MYNN: variants seen among roughly 807,000 people sequenced by gnomAD.
MYNN encodes the protein myoneurin.
A neutral mutation model predicts 57.2 loss-of-function variants in MYNN; 22 were observed. The observed-to-expected ratio is 0.38, with a 90% CI of 0.27 to 0.55. The LOEUF (loss-of-function observed/expected upper bound fraction) is 0.55. Ranked by LOEUF, MYNN falls within the 20% of genes least tolerant of loss-of-function variation. The pLI is 0.71. For missense variants in MYNN, 566 were observed against 723.1 expected (o/e 0.78, Z 2.49); for synonymous variants, 241 against 257.1 (o/e 0.94, Z 0.60).
Position 169,782,376 on chromosome 3 carries a change from G to A in MYNN, c.1221-89G>A. ...TAGTCTTGGCCTGTTAAGATGACAT[G>A]AAATAAAATCTATAAAAAACTTTAT... On this transcript the variant is annotated intron_variant, in intron 4 of 7. Coordinates refer to ENST00000349841, the MANE Select transcript of MYNN (RefSeq NM_018657.5). This position sits in a 1 kb window ranked among gnomAD's most constrained non-coding sequence, Gnocchi z 4.8. The A allele has an allele frequency of 9.1e-7, 1 of 1,095,358 alleles. No homozygotes were observed. Among genetic ancestry groups the A allele is most frequent in the Non-Finnish European group, 1.3e-6 (1 of 772,230 alleles). The allele number at this position is 1,095,358 out of a possible 1,614,324, so 67.9% of individuals were successfully genotyped here. A position where few individuals can be genotyped will look rare whatever the true frequency, so the allele number is the denominator to read the frequency against.
In MYNN at chr3:169,789,276, A is replaced by G. The variant is rs899487571; in HGVS notation, c.*2598A>G. 3.9e-5 allele frequency: 6 copies of G among 152,324 alleles called. No homozygotes were observed. The highest frequency in any genetic ancestry group is 1.4e-4 in the African/African-American group (6 of 41,574). The allele number at this position is 152,324 out of a possible 1,614,324, so 9.4% of individuals were successfully genotyped here. A position where few individuals can be genotyped will look rare whatever the true frequency, so the allele number is the denominator to read the frequency against. On this transcript the variant is annotated 3_prime_UTR_variant, in exon 8 of 8. Coordinates refer to ENST00000349841, the MANE Select transcript of MYNN (RefSeq NM_018657.5). ...TAATGGTTCTATCAGTTTCATTCCA[A>G]CAGTAGCTAATTTCTGTGTTTCAGT...
intron 4 of MYNN, 109 bp downstream of exon 4, chr3:169,780,858 A>G: frequency 1.0e-6 from 1 of 979,112 alleles, no homozygotes; most frequent in East Asian, 2.9e-5. Context: ...TTGTGGTTCC[A>G]CCAAACAATG....
chr3:169,774,580 T>A lies in MYNN; in HGVS notation c.266+19T>A. The A allele has an allele frequency of 6.3e-7, 1 of 1,597,924 alleles. No individual in the cohort carries two copies. The highest frequency in any genetic ancestry group is 1.1e-5 in the South Asian group (1 of 90,224). ...TTGACAGGTAAAGTACACATTTTAT[T>A]TTCAGTTATAAAAGCTAGTCAGTAG... On this transcript the variant is annotated intron_variant, in intron 2 of 7. Coordinates refer to ENST00000349841, the MANE Select transcript of MYNN (RefSeq NM_018657.5).
In MYNN at chr3:169,782,449, C is replaced by T. The variant is rs1478640748; in HGVS notation, c.1221-16C>T. On this transcript the variant is annotated splice_polypyrimidine_tract_variant and intron_variant, in intron 4 of 7. Coordinates refer to ENST00000349841, the MANE Select transcript of MYNN (RefSeq NM_018657.5). This position sits in a 1 kb window ranked among gnomAD's most constrained non-coding sequence, Gnocchi z 4.8. ...CCTCCAAATTGTTTTACTTATTTAACTTTATTTACTAACAGGAAGCATAGT... is the reference window on the plus strand; with the variant it reads ...CCTCCAAATTGTTTTACTTATTTAATTTTATTTACTAACAGGAAGCATAGT... The T allele has an allele frequency of 6.9e-6, 11 of 1,590,720 alleles. No individual in the cohort carries two copies. The Admixed American group carries it at 1.8e-4, about 27-fold the overall frequency.
intron 5 of MYNN, 61 bp from the exon 6 acceptor site, chr3:169,783,416 T>C: frequency 1.1e-6 from 1 of 910,594 alleles, no homozygotes; most frequent in South Asian, 1.5e-5. Context: ...AGATTATTTG[T>C]AATTGATAAA....
rs1778439718 is a variant in MYNN, at chr3:169,779,256, A to G, written c.755A>G (p.His252Arg). 6.2e-7 allele frequency: 1 copy of G among 1,614,210 alleles called. No individual in the cohort carries two copies. ...ENTFPAQDIV[H>R]TVTVKRKRGK... ...ACTTTTCCAGCACAAGATATTGTGC[A>G]CACTGTTACAGTGAAACGGAAACGT... The change falls in exon 3 of 8, where the codon CAC (histidine) becomes CGC (arginine). Residue 252 changes from histidine (H) to arginine (R), a missense_variant. Physicochemically the swap from His to Arg is conservative, Grantham distance 29. Transcript: ENST00000349841.
Position 169,779,425 on chromosome 3 carries a change from G to A in MYNN, c.924G>A (p.Gly308=), listed in dbSNP as rs768110480. The change falls in exon 3 of 8, where the codon GGG becomes GGA. Residue 308 remains glycine (G), a synonymous_variant. Coordinates refer to ENST00000349841, the MANE Select transcript of MYNN (RefSeq NM_018657.5). ...CCAAGCCAATGTGTAACACATGTGG[G>A]AAAGTGTTTTCAGAAGCCAGCAGTT... ...SKAKPMCNTC[G]KVFSEASSLR... 6.2e-7 allele frequency: 1 copy of A among 1,614,144 alleles called. No individual in the cohort carries two copies. The highest frequency in any genetic ancestry group is 8.5e-7 in the Non-Finnish European group (1 of 1,180,028).
rs778861967 is a variant in MYNN, at chr3:169,779,570, GGT to G, written c.1060+15_1060+16del. 1.9e-6 allele frequency: 3 copies of G among 1,607,248 alleles called. No homozygotes were observed. The East Asian group carries it at 6.7e-5, about 36-fold the overall frequency. ...TGTAAGAACTCATACAGGTGAGACGGGTGTGTGGGGAGATATTATTTTTATAC... is the reference window on the plus strand; with the variant it reads ...TGTAAGAACTCATACAGGTGAGACGGGTGTGGGGAGATATTATTTTTATAC... On this transcript the variant is annotated intron_variant, in intron 3 of 7. Coordinates refer to ENST00000349841, the MANE Select transcript of MYNN (RefSeq NM_018657.5).
Position 169,782,440 on chromosome 3 carries a change from C to A in MYNN, c.1221-25C>A. On this transcript the variant is annotated intron_variant, in intron 4 of 7. Transcript: ENST00000349841. This position sits in a 1 kb window ranked among gnomAD's most constrained non-coding sequence, Gnocchi z 4.8. ...ATAGACTGACCTCCAAATTGTTTTA[C>A]TTATTTAACTTTATTTACTAACAGG... 6.3e-7 allele frequency: 1 copy of A among 1,581,208 alleles called. No individual in the cohort carries two copies. Among genetic ancestry groups the A allele is most frequent in the Non-Finnish European group, 8.6e-7 (1 of 1,163,588 alleles).
chr3:169,785,079 G>A (rs112511892), intron 7 of MYNN, among the ~76,000 whole-genome samples: 1 of 146,822 alleles, frequency 6.8e-6, no homozygotes, highest in Non-Finnish European at 1.5e-5. Flanking sequence ...AAGGGGGGGG[G>A]GGTGGTGTTA....
chr3:169,777,282 T>C (rs1311304139), intron 2 of MYNN: 1 of 152,250 alleles, frequency 6.6e-6, no homozygotes, highest in Non-Finnish European at 1.5e-5. Flanking sequence ...TAGAGGTTCA[T>C]GACACTAGTT....
At chr3:169,780,496 T>TA (rs1778479283) in intron 3 of MYNN, 94 bp from the exon 4 acceptor site, 1 of 836,784 alleles carries the variant, frequency 1.2e-6, no homozygotes, top group Non-Finnish European at 1.8e-6. Flanking sequence ...AACATTTTCT[T>TA]AATAACAAAG....
At chr3:169,774,679 A>G in intron 2 of MYNN, 118 bp downstream of exon 2, 3 of 925,096 alleles carry the variant, frequency 3.2e-6, no homozygotes, top group Non-Finnish European at 4.9e-6. Context: ...ATTTATGCAC[A>G]CAATGTTTGT....
intron 7 of MYNN, among the ~76,000 whole-genome samples, chr3:169,785,752 G>T (rs1560589975): frequency 6.6e-6 from 1 of 152,012 alleles, no homozygotes; most frequent in East Asian, 1.9e-4. Flanking sequence ...TTGTCTGCGT[G>T]ACAAGGACGG....
chr3:169,786,437 C>G lies in MYNN; in HGVS notation c.1592C>G (p.Ser531Cys), dbSNP rs1778679646. ...CTAGGTGCAGATAAAACTCTAGACT[C>G]CAGTGCAGAGGATCATACTTTGAGT... ...VHSGADKTLDSSAEDHTLSEQ... is the reference protein window; with the variant it reads ...VHSGADKTLDCSAEDHTLSEQ... Residue 531 changes from serine to cysteine, a missense_variant, in exon 8 of 8, where the codon TCC becomes TGC. This residue lies in a region of MYNN where 156 missense variants were observed against 163.9 expected (regional missense o/e 0.95). Transcript: ENST00000349841. 3.1e-6 allele frequency: 5 copies of G among 1,612,930 alleles called. No individual in the cohort carries two copies. The highest frequency in any genetic ancestry group is 4.2e-6 in the Non-Finnish European group (5 of 1,179,296).
At chr3:169,783,955 T>C (rs1778596974) in intron 6 of MYNN, 1 of 276,220 alleles carries the variant, frequency 3.6e-6, no homozygotes, top group African/African-American at 2.3e-5. Flanking sequence ...TTGTAAAAAG[T>C]AGTTTGTAAA....
chr3:169,781,160 T>C (rs145743523), intron 4 of MYNN, among the ~76,000 whole-genome samples: 11 of 152,296 alleles, frequency 7.2e-5, no homozygotes, highest in African/African-American at 2.6e-4. Flanking sequence ...TTAGAAATAA[T>C]AGAATTTGCA....
At chr3:169,775,845 C>T (rs534383623) in intron 2 of MYNN, among the ~76,000 whole-genome samples, 59 of 152,170 alleles carry the variant, frequency 3.9e-4, no homozygotes, top group African/African-American at 1.3e-3. Flanking sequence ...TATATTGTAA[C>T]TTATCATGGA....
chr3:169,773,980 C>G (rs1319103864), intron 1 of MYNN: 2 of 311,322 alleles, frequency 6.4e-6, no homozygotes, highest in African/African-American at 2.1e-5. Context: ...GCTTGAAAAT[C>G]TGAGGGTTCA....
Sources: allele counts gnomAD v4.1 joint callset (sites outside exome capture counted in the v4.1 genomes callset), GRCh38; gene constraint gnomAD v4.1.1; regional missense constraint gnomAD v4.1.1; non-coding constraint Gnocchi (gnomAD v3.1); transcripts MANE v1.5; gene names NCBI Gene and HGNC (gene_info 2026-07-23, HGNC 2026-07-21).